The following EPHA3 variants were observed in gnomAD, a reference collection of about 807,000 sequenced individuals.
EPHA3 encodes the protein EPH receptor A3.
In EPHA3, 42 loss-of-function variants were observed where a neutral mutation model predicts 107.1. That is an observed-to-expected ratio of 0.39 (90% CI 0.31 to 0.51). The LOEUF (loss-of-function observed/expected upper bound fraction) is 0.51. Among genes scored for constraint, EPHA3 ranks in the 20% least tolerant of loss-of-function variants. The pLI is 0.78. For missense variants in EPHA3, 1,183 were observed against 1,211.2 expected (o/e 0.98, Z 0.35); for synonymous variants, 461 against 424.8 (o/e 1.09, Z -1.05).
intron 3 of EPHA3, among the ~76,000 whole-genome samples, chr3:89,289,104 AC>A (rs375852617): frequency 6.6e-6 from 1 of 152,154 alleles, no homozygotes; most frequent in African/African-American, 2.4e-5. Context: ...CCTGGATTTT[AC>A]AAGCTAAGGA....
intron 7 of EPHA3, among the ~76,000 whole-genome samples, chr3:89,403,742 G>A (rs1279003432): frequency 1.3e-5 from 2 of 152,152 alleles, no homozygotes; most frequent in Non-Finnish European, 2.9e-5. Context: ...GAGCAGCTGA[G>A]CATTATTAGG....
intron 3 of EPHA3, among the ~76,000 whole-genome samples, chr3:89,316,503 G>GTGT (rs1559644285): frequency 2.4e-5 from 2 of 82,562 alleles, no homozygotes; most frequent in African/African-American, 4.9e-5. Flanking sequence ...GTGTGTGTGT[G>GTGT]TAATATATAT....
intron 11 of EPHA3, among the ~76,000 whole-genome samples, chr3:89,421,317 A>T (rs1335070413): frequency 1.3e-5 from 2 of 151,074 alleles, no homozygotes; most frequent in Non-Finnish European, 3.0e-5. Flanking sequence ...TTGAAAAATT[A>T]AAAAAAATAT....
At chr3:89,120,322 G>T (rs922501573) in intron 1 of EPHA3, among the ~76,000 whole-genome samples, 2 of 152,084 alleles carry the variant, frequency 1.3e-5, no homozygotes, top group Non-Finnish European at 2.9e-5. Flanking sequence ...CTTACATTTT[G>T]GGAGACACAT....
At chr3:89,170,555 C>T (rs1035190491) in intron 2 of EPHA3, among the ~76,000 whole-genome samples, 4 of 152,098 alleles carry the variant, frequency 2.6e-5, no homozygotes, top group African/African-American at 4.8e-5. Flanking sequence ...TGATGACATA[C>T]GAACTAGTTC....
chr3:89,194,695 A>G (rs956074226), intron 2 of EPHA3, among the ~76,000 whole-genome samples: 6 of 152,072 alleles, frequency 3.9e-5, no homozygotes, highest in South Asian at 2.1e-4. Context: ...TTTATAGTCA[A>G]TATCTGTCTT....
intron 3 of EPHA3, among the ~76,000 whole-genome samples, chr3:89,232,608 C>T (rs557388407): frequency 2.4e-4 from 37 of 152,078 alleles, no homozygotes; most frequent in African/African-American, 8.2e-4. Flanking sequence ...ACTAGTGGGG[C>T]AAGGTGAAGT....
chr3:89,182,590 T>C (rs1467942268), intron 2 of EPHA3, among the ~76,000 whole-genome samples: 1 of 151,958 alleles, frequency 6.6e-6, no homozygotes, highest in Non-Finnish European at 1.5e-5. Context: ...GGTCAATCCA[T>C]ACATAAATTT....
chr3:89,300,303 A>G (rs1263789785), intron 3 of EPHA3, among the ~76,000 whole-genome samples: 1 of 152,094 alleles, frequency 6.6e-6, no homozygotes, highest in African/African-American at 2.4e-5. Context: ...AACTACTCTT[A>G]CAGCCTATTT....
chr3:89,260,000 T>A (rs1313458514), intron 3 of EPHA3, among the ~76,000 whole-genome samples: 1 of 152,238 alleles, frequency 6.6e-6, no homozygotes, highest in Non-Finnish European at 1.5e-5. Context: ...CAGCATCTTC[T>A]TTTTCAAAGG....
At chr3:89,278,871 G>GCCTC (rs1160223671) in intron 3 of EPHA3, among the ~76,000 whole-genome samples, 7 of 152,148 alleles carry the variant, frequency 4.6e-5, no homozygotes, top group Non-Finnish European at 7.3e-5. Context: ...TACTCTAAGT[G>GCCTC]CCTCATGCTG....
At chr3:89,244,655 A>C (rs1423407682) in intron 3 of EPHA3, among the ~76,000 whole-genome samples, 9 of 152,244 alleles carry the variant, frequency 5.9e-5, no homozygotes, top group Non-Finnish European at 1.3e-4. Context: ...AATATTTTAA[A>C]TTAGCTCTAC....
At chr3:89,436,433 A>G (rs1709671431) in intron 13 of EPHA3, among the ~76,000 whole-genome samples, 1 of 152,170 alleles carries the variant, frequency 6.6e-6, no homozygotes, top group South Asian at 2.1e-4. Flanking sequence ...CAATTTGGAG[A>G]TTAACATTTG....
intron 11 of EPHA3, among the ~76,000 whole-genome samples, chr3:89,425,656 T>A (rs1297260333): frequency 6.6e-6 from 1 of 151,526 alleles, no homozygotes. Flanking sequence ...AATATTTTAA[T>A]CTGAAAAACA....
chr3:89,206,353 C>T (rs1185003038), intron 2 of EPHA3, among the ~76,000 whole-genome samples: 1 of 152,066 alleles, frequency 6.6e-6, no homozygotes, highest in Admixed American at 6.5e-5. Flanking sequence ...GTTTGATGTC[C>T]AGTAAAATGC....
At chr3:89,349,074 GA>G (rs1347028389) in intron 5 of EPHA3, among the ~76,000 whole-genome samples, 1 of 43,202 alleles carries the variant, frequency 2.3e-5, no homozygotes, top group African/African-American at 1.1e-4. Context: ...GTGTGGTGCT[GA>G]AAAAAATGTA....
intron 1 of EPHA3, among the ~76,000 whole-genome samples, chr3:89,123,892 T>C (rs1444753475): frequency 6.6e-6 from 1 of 152,198 alleles, no homozygotes; most frequent in Non-Finnish European, 1.5e-5. Flanking sequence ...CCAAAAATAT[T>C]TGGCAATCAC....
intron 1 of EPHA3, among the ~76,000 whole-genome samples, chr3:89,109,125 T>G (rs559715715): frequency 6.6e-6 from 1 of 152,168 alleles, no homozygotes; most frequent in East Asian, 1.9e-4. Context: ...CCTTCCTTAC[T>G]GACTGCCTTT....
intron 2 of EPHA3, among the ~76,000 whole-genome samples, chr3:89,202,530 A>ATAT (rs1164193764): frequency 2.6e-3 from 70 of 27,326 alleles, no homozygotes; most frequent in East Asian, 0.012. Flanking sequence ...AAAAAAAAAA[A>ATAT]AAAAATATAT....
Sources: allele counts gnomAD v4.1 joint callset (sites outside exome capture counted in the v4.1 genomes callset), GRCh38; gene constraint gnomAD v4.1.1; transcripts MANE v1.5; gene names NCBI Gene and HGNC (gene_info 2026-07-23, HGNC 2026-07-21).